Variants in FLG observed in about 807,000 individuals in gnomAD.
The protein encoded by FLG is filaggrin, also known as epidermal filaggrin.
FLG carries 6 observed loss-of-function variants against 3.8 expected under a neutral mutation model. The observed-to-expected ratio is 1.60, with a 90% confidence interval of 0.87 to 3.15. The LOEUF is 3.15. Ranked by LOEUF, FLG falls within the 30% of genes most tolerant of loss-of-function variation. The pLI, the probability that FLG is intolerant of heterozygous loss-of-function variation, is 0.00. For synonymous variants in FLG, 2,551 were observed against 1,931.6 expected, an observed-to-expected ratio of 1.32 and a Z score of -8.41; for missense variants, 7,595 against 5,050.9, an observed-to-expected ratio of 1.50 and a Z score of -15.27.
In FLG at chr1:152,311,487, C is replaced by T. The variant is rs1652423987; in HGVS notation, c.3399G>A (p.Arg1133=). ...GTCTTCGTCCAGTGCTGGTCCTGGT[C>T]CGCCCATGGGCAGACTCAGACTGTT... ...THEQSESAHG[R]TRTSTGRRQG... Residue 1133 remains arginine (R), a synonymous_variant, in exon 3 of 3, where the codon CGG becomes CGA. Coordinates refer to ENST00000368799, the MANE Select transcript of FLG (RefSeq NM_002016.2). The T allele has an allele frequency of 1.2e-6, 2 of 1,613,796 alleles. No individual in the cohort carries two copies. The highest frequency in any genetic ancestry group is 3.3e-5 in the Admixed American group (2 of 59,988).
In FLG at chr1:152,313,364, C is replaced by T. The variant is rs747005144; in HGVS notation, c.1522G>A (p.Ala508Thr). 4.3e-6 allele frequency: 7 copies of T among 1,613,622 alleles called. No homozygotes were observed. In the African/African-American group the frequency reaches 6.7e-5, roughly 15 times the overall value. The change falls in exon 3 of 3, where the codon GCG becomes ACG. Residue 508 changes from alanine to threonine, a missense_variant. Ala to Thr is a moderately conservative substitution (Grantham distance 58). Transcript: ENST00000368799. Reference protein sequence around the residue: ...EQARDSSRHSASQEGQDTIRG... With the variant: ...EQARDSSRHSTSQEGQDTIRG... ...ATGGTGTCCTGACCCTCTTGGGACGCTGAATGCCTGGAGCTGTCTCGTGCC... is the reference window on the plus strand; with the variant it reads ...ATGGTGTCCTGACCCTCTTGGGACGTTGAATGCCTGGAGCTGTCTCGTGCC...
Position 152,309,749 on chromosome 1 carries a change from C to T in FLG, c.5137G>A (p.Gly1713Arg), listed in dbSNP as rs774612938. 18 of 1,613,954 alleles carry T rather than the reference C, an allele frequency of 1.1e-5. No individual in the cohort carries two copies. The highest frequency in any genetic ancestry group is 1.4e-5 in the Non-Finnish European group (17 of 1,180,016). ...SSVVGDSGNRGSSGSQASDSE... is the reference protein window; with the variant it reads ...SSVVGDSGNRRSSGSQASDSE... The stretch of plus-strand genomic sequence containing the variant: ...TCACTGGCCTGGCTACCACTGGACC[C>T]TCGGTTTCCACTGTCTCCGACTACA... The change falls in exon 3 of 3, where the codon GGG becomes AGG. Residue 1713 changes from glycine to arginine, a missense_variant. Transcript: ENST00000368799.
At chr1:152,315,232 G>A in intron 2 of FLG, 87 bp downstream of exon 2, 2 of 1,277,282 alleles carry the variant, frequency 1.6e-6, no homozygotes, top group Non-Finnish European at 2.2e-6. Flanking sequence ...AAGAGAAATA[G>A]TTCACAAAGA....
At position 152,303,251 on chromosome 1, in the gene FLG, G is replaced by A. The variant is rs546871592; in HGVS notation, c.11635C>T (p.Arg3879Ter). 29 of 1,613,864 alleles carry A rather than the reference G, an allele frequency of 1.8e-5. No homozygotes were observed. The highest frequency in any genetic ancestry group is 3.3e-4 in the Middle Eastern group (2 of 6,084). ...SEAYPEDSER[R>*]SESASRNHHG... ...TGGTTTCTGGAAGCAGACTCAGATC[G>A]CCTCTCAGAGTCCTCTGGGTATGCC... Residue 3879 changes from arginine to a stop codon, truncating the protein, a stop_gained, in exon 3 of 3, where the codon CGA becomes TGA. Transcript: ENST00000368799. LOFTEE classifies it low-confidence loss of function (END_TRUNC).
At chr1:152,319,680 G>A (rs1388147468) in intron 1 of FLG, among the ~76,000 whole-genome samples, 1 of 151,418 alleles carries the variant, frequency 6.6e-6, no homozygotes, top group Non-Finnish European at 1.5e-5. Flanking sequence ...ACGATGAAAT[G>A]TTATATTCAT....
At position 152,303,800 on chromosome 1, in the gene FLG, T is replaced by A. The variant is rs537909579; in HGVS notation, c.11086A>T (p.Thr3696Ser). ...GPHQQSHQES[T>S]RGRSAGRSGR... Reference sequence around the variant, plus strand: ...GACCTTCCTGCTGACCGGCCACGTGTGGACTCTTGGTGGCTCTGCTGATGG... The same window carrying A: ...GACCTTCCTGCTGACCGGCCACGTGAGGACTCTTGGTGGCTCTGCTGATGG... The change falls in exon 3 of 3, where the codon ACA (threonine) becomes TCA (serine). Residue 3696 changes from threonine to serine, a missense_variant. Transcript: ENST00000368799. 6.2e-7 allele frequency: 1 copy of A among 1,613,530 alleles called. No individual in the cohort carries two copies. The highest frequency in any genetic ancestry group is 1.1e-5 in the South Asian group (1 of 91,016).
Position 152,311,343 on chromosome 1 carries a change from A to T in FLG, c.3543T>A (p.His1181Gln), listed in dbSNP as rs560068280. 5.6e-6 allele frequency: 9 copies of T among 1,613,352 alleles called. No individual in the cohort carries two copies. The highest frequency in any genetic ancestry group is 6.8e-6 in the Non-Finnish European group (8 of 1,179,868). The change falls in exon 3 of 3, where the codon CAT (histidine) becomes CAA (glutamine). Residue 1181 changes from histidine (H) to glutamine (Q), a missense_variant. His to Gln is a conservative substitution (Grantham distance 24, BLOSUM62 0). Coordinates refer to ENST00000368799, the MANE Select transcript of FLG (RefSeq NM_002016.2). ...SRRGGRQGSH[H>Q]EQSVDRSGHS... ...GTCCAGATCTATCTACCGATTGCTC[A>T]TGGTGGGATCCCTGCCTTCCTCCTC...
At chr1:152,315,574 C>T in intron 1 of FLG, 97 bp from the exon 2 acceptor site, 1 of 922,790 alleles carries the variant, frequency 1.1e-6, no homozygotes, top group Non-Finnish European at 1.6e-6. Flanking sequence ...ACATTTTCCT[C>T]TAAGTAATCC....
rs1651670810 is a variant in FLG at position 152,302,514 on chromosome 1, A to G, written c.*186T>C. ...ATTTCTTCCATTTAATATTTCTGAAATATAGCGTTTAAAGATCATTACACA... is the reference window on the plus strand; with the variant it reads ...ATTTCTTCCATTTAATATTTCTGAAGTATAGCGTTTAAAGATCATTACACA... On this transcript the variant is annotated 3_prime_UTR_variant, in exon 3 of 3. Transcript: ENST00000368799. 1.4e-6 allele frequency: 1 copy of G among 722,328 alleles called. No individual in the cohort carries two copies. The highest frequency in any genetic ancestry group is 1.8e-5 in the African/African-American group (1 of 56,064). The allele number at this position is 722,328 out of a possible 1,614,324, so 44.7% of individuals were successfully genotyped here. A position where few individuals can be genotyped will look rare whatever the true frequency, so the allele number is the denominator to read the frequency against.
Position 152,310,604 on chromosome 1 carries a change from G to T in FLG, c.4282C>A (p.Arg1428Ser), listed in dbSNP as rs189279130. The change falls in exon 3 of 3, where the codon CGT becomes AGT. Residue 1428 changes from arginine (R) to serine (S), a missense_variant. Arg to Ser is a moderately radical substitution (Grantham distance 110). Transcript: ENST00000368799. The stretch of plus-strand genomic sequence containing the variant: ...CCAGAGCTTTCCCCTGACTGGCCAC[G>T]TGCGGACTCTTTGTGGCTCTGCTGA... ...PHQQSHKESARGQSGESSGRS... is the reference protein window; with the variant it reads ...PHQQSHKESASGQSGESSGRS... 3.2e-5 allele frequency: 52 copies of T among 1,613,832 alleles called. No homozygotes were observed. Among genetic ancestry groups the T allele is most frequent in the Non-Finnish European group, 3.5e-5 (41 of 1,180,000 alleles).
rs768401748 is a variant in FLG, at chr1:152,303,090, A to G, written c.11796T>C (p.Ser3932=). The change falls in exon 3 of 3, where the codon AGT becomes AGC. Residue 3932 remains serine, a synonymous_variant. Coordinates refer to ENST00000368799, the MANE Select transcript of FLG (RefSeq NM_002016.2). ...SSTAKEHGHF[S]SLSQDSAYHS... is the part of the protein sequence containing the mutation. ...GATACGCAGAATCTTGTGAAAGACT[A>G]CTAAAGTGACCATGTTCCTTAGCGG... is the stretch of plus-strand genomic sequence containing the variant. The G allele has an allele frequency of 1.7e-5, 27 of 1,614,076 alleles. 1 individual carries two copies. The East Asian group carries it at 2.9e-4, about 17-fold the overall frequency.
rs756720748 is a variant in FLG at position 152,303,123 on chromosome 1, G to A, written c.11763C>T (p.Asp3921=). The A allele has an allele frequency of 1.9e-6, 3 of 1,614,090 alleles. No homozygotes were observed. The highest frequency in any genetic ancestry group is 2.5e-6 in the Non-Finnish European group (3 of 1,180,046). The change falls in exon 3 of 3, where the codon GAC becomes GAT. Residue 3921 remains aspartate (D), a synonymous_variant. Coordinates refer to ENST00000368799, the MANE Select transcript of FLG (RefSeq NM_002016.2). ...GACCATGTTCCTTAGCGGTACTAGAGTCTGACTGTACAGGTGAAGACTGTA... is the reference window on the plus strand; with the variant it reads ...GACCATGTTCCTTAGCGGTACTAGAATCTGACTGTACAGGTGAAGACTGTA... ...SHVQSSPVQS[D]SSTAKEHGHF... is the part of the protein sequence containing the mutation.
Position 152,303,416 on chromosome 1 carries a change from T to A in FLG, c.11470A>T (p.Arg3824Trp). ...RNEEQSGDGSRHSGSRHHEAS... is the reference protein window; with the variant it reads ...RNEEQSGDGSWHSGSRHHEAS... ...TCATGGTGACGCGACCCTGAGTGCCTGGAGCCGTCTCCTGACTGTTCCTCA... is the reference window on the plus strand; with the variant it reads ...TCATGGTGACGCGACCCTGAGTGCCAGGAGCCGTCTCCTGACTGTTCCTCA... Residue 3824 changes from arginine to tryptophan, a missense_variant, in exon 3 of 3, where the codon AGG (arginine) becomes TGG (tryptophan). Coordinates refer to ENST00000368799, the MANE Select transcript of FLG (RefSeq NM_002016.2). The A allele has an allele frequency of 1.2e-6, 2 of 1,614,150 alleles. No homozygotes were observed. The highest frequency in any genetic ancestry group is 1.7e-6 in the Non-Finnish European group (2 of 1,180,022).
At chr1:152,321,130 G>A (rs939237641) in intron 1 of FLG, among the ~76,000 whole-genome samples, 1 of 150,098 alleles carries the variant, frequency 6.7e-6, no homozygotes, top group Admixed American at 6.7e-5. Flanking sequence ...ATATATATAT[G>A]AATGATATCT....
chr1:152,312,254 C>A lies in FLG; in HGVS notation c.2632G>T (p.Gly878Ter). The change falls in exon 3 of 3, where the codon GGA becomes TGA. Residue 878 changes from glycine to a stop codon, truncating the protein, a stop_gained. Coordinates refer to ENST00000368799, the MANE Select transcript of FLG (RefSeq NM_002016.2). LOFTEE classifies it low-confidence loss of function (END_TRUNC). ...GSHHSHTTSQ[G>*]RSDASRGQSG... ...TGCCCACGGGAGGCATCAGACCTTC[C>A]CTGGGATGTGGTGTGGCTGTGATGG... The A allele has an allele frequency of 6.2e-7, 1 of 1,613,736 alleles. No homozygotes were observed. The highest frequency in any genetic ancestry group is 8.5e-7 in the Non-Finnish European group (1 of 1,179,956).
In FLG at chr1:152,312,203, T is replaced by C. The variant is rs747208374; in HGVS notation, c.2683A>G (p.Thr895Ala). ...CTTGATTGTTCCTCATTACGTGTTG[T>C]TCTGCTTGCACTTCTGGATCCTGAC... ...GQSGSRSASR[T>A]TRNEEQSRDG... The change falls in exon 3 of 3, where the codon ACA (threonine) becomes GCA (alanine). Residue 895 changes from threonine (T) to alanine (A), a missense_variant. Physicochemically the swap from Thr to Ala is moderately conservative, Grantham distance 58 (BLOSUM62 0). Coordinates refer to ENST00000368799, the MANE Select transcript of FLG (RefSeq NM_002016.2). 1.9e-6 allele frequency: 3 copies of C among 1,602,074 alleles called. No individual in the cohort carries two copies. Among genetic ancestry groups the C allele is most frequent in the Admixed American group, 3.4e-5 (2 of 58,576 alleles).
chr1:152,310,802 G>C lies in FLG; in HGVS notation c.4084C>G (p.Gln1362Glu), dbSNP rs1652355499. The stretch of plus-strand genomic sequence containing the variant: ...TGTCTGGAGCTGTCTGCTGACTGCT[G>C]GTGGCGGGATCCATGTCTTTCTCCT... ...SPGERHGSRHQQSADSSRHSG... is the reference protein window; with the variant it reads ...SPGERHGSRHEQSADSSRHSG... Residue 1362 changes from glutamine to glutamate, a missense_variant, in exon 3 of 3, where the codon CAG becomes GAG. By Grantham distance (29) the Gln-to-Glu change is conservative. Transcript: ENST00000368799. 1 of 1,611,542 alleles carries C rather than the reference G, an allele frequency of 6.2e-7. No individual in the cohort carries two copies. The highest frequency in any genetic ancestry group is 1.3e-5 in the African/African-American group (1 of 74,754).
In FLG at chr1:152,311,525, C is replaced by T. The variant is rs781777749; in HGVS notation, c.3361G>A (p.Val1121Met). ...SGRSGSFIYQ[V>M]STHEQSESAH... is the part of the protein sequence containing the mutation. ...GACTCAGACTGTTCATGAGTGCTCA[C>T]CTGGTAGATGAAAGACCCTGAACGT... The change falls in exon 3 of 3, where the codon GTG becomes ATG. Residue 1121 changes from valine to methionine, a missense_variant. Val to Met is a conservative substitution (Grantham distance 21). Transcript: ENST00000368799. The T allele has an allele frequency of 2.4e-5, 38 of 1,613,728 alleles. No homozygotes were observed. Among genetic ancestry groups the T allele is most frequent in the Non-Finnish European group, 2.8e-5 (33 of 1,180,004 alleles).
chr1:152,325,012 G>C (rs1317461786), intron 1 of FLG, among the ~76,000 whole-genome samples, 177 bp downstream of exon 1: 1 of 151,786 alleles, frequency 6.6e-6, no homozygotes, highest in East Asian at 1.9e-4. Context: ...TCCATGGAAA[G>C]CAAATTTATG....
Sources: allele counts gnomAD v4.1 joint callset (sites outside exome capture counted in the v4.1 genomes callset), GRCh38; gene constraint gnomAD v4.1.1; transcripts MANE v1.5; gene names NCBI Gene and HGNC (gene_info 2026-07-23, HGNC 2026-07-21).